HDAC9: variants seen among roughly 807,000 people sequenced by gnomAD.
HDAC9 encodes histone deacetylase 9, also known as MEF-2 interacting transcription repressor (MITR) protein.
HDAC9 carries 41 observed loss-of-function variants against 139.4 expected under a neutral mutation model. That is an observed-to-expected ratio of 0.29 (90% CI 0.23 to 0.38). The LOEUF (loss-of-function observed/expected upper bound fraction) is 0.38, where lower values mean the gene tolerates loss of function less well. HDAC9 is among the 10% of genes least tolerant of loss of function. The pLI is 1.00. For synonymous variants in HDAC9, 517 were observed against 476.2 expected, an observed-to-expected ratio of 1.09 and a Z score of -1.12; for missense variants, 1,147 against 1,297.0, an observed-to-expected ratio of 0.88 and a Z score of 1.78.
chr7:18,333,855 A>G (rs1158996921), intron 1 of HDAC9, among the ~76,000 whole-genome samples: 3 of 151,372 alleles, frequency 2.0e-5, no homozygotes. Context: ...ATAATGACAA[A>G]TGTCTGAAAA....
rs1794768586 is a variant in HDAC9 at position 18,249,381 on chromosome 7, T to C, written c.25+87032T>C. Among the ~76,000 whole-genome samples, 3 of 151,578 alleles carry C rather than the reference T, an allele frequency of 2.0e-5. No homozygotes were observed. The South Asian group carries it at 6.2e-4, about 32-fold the overall frequency. ...AGCTGGGTGTGGTGGCACGTGTCTG[T>C]AATCCCAGCTAGTCGGGAGGCTGAG... is the stretch of plus-strand genomic sequence containing the variant. On this transcript the variant is annotated intron_variant, in intron 2 of 12. Coordinates refer to the HDAC9 transcript ENST00000417496.
chr7:18,257,404 C>CAG (rs1795341049), intron 2 of HDAC9, among the ~76,000 whole-genome samples: 1 of 90,752 alleles, frequency 1.1e-5, no homozygotes, highest in Non-Finnish European at 2.2e-5. Context: ...GTCTCTCCCA[C>CAG]ACACACACAC....
chr7:18,784,908 T>A (rs1321174189), intron 16 of HDAC9, among the ~76,000 whole-genome samples: 1 of 151,592 alleles, frequency 6.6e-6, no homozygotes, highest in Non-Finnish European at 1.5e-5. Context: ...AACAACAGTT[T>A]CTCAAAAACT....
chr7:18,367,886 C>A (rs1784308034), intron 1 of HDAC9, among the ~76,000 whole-genome samples: 1 of 152,040 alleles, frequency 6.6e-6, no homozygotes, highest in South Asian at 2.1e-4. Context: ...GGAGAATGTT[C>A]GTGTGATCAT....
intron 2 of HDAC9, among the ~76,000 whole-genome samples, chr7:18,209,427 A>C (rs1054710292): frequency 6.6e-6 from 1 of 152,166 alleles, no homozygotes; most frequent in African/African-American, 2.4e-5. Context: ...TTCTATAGCC[A>C]TATCTCTTGC....
intron 1 of HDAC9, among the ~76,000 whole-genome samples, chr7:18,121,771 T>C (rs532796943): frequency 1.3e-5 from 2 of 152,248 alleles, no homozygotes; most frequent in South Asian, 4.2e-4. Context: ...AGTCTTACTG[T>C]TTTATAATAA....
intron 14 of HDAC9, among the ~76,000 whole-genome samples, chr7:18,761,351 T>C (rs1293757414): frequency 1.3e-5 from 2 of 152,212 alleles, no homozygotes; most frequent in East Asian, 3.9e-4. Context: ...TGGAAAAAAT[T>C]GATGGAGTCT....
chr7:18,272,422 T>C (rs1796411435), intron 2 of HDAC9, among the ~76,000 whole-genome samples: 1 of 152,172 alleles, frequency 6.6e-6, no homozygotes, highest in Non-Finnish European at 1.5e-5. Flanking sequence ...AATTTTTTTC[T>C]ACAATAAATA....
At chr7:18,108,638 T>C (rs1402534572) in intron 1 of HDAC9, among the ~76,000 whole-genome samples, 2 of 134,820 alleles carry the variant, frequency 1.5e-5, no homozygotes, top group Non-Finnish European at 3.1e-5. Context: ...TTTTTGGATA[T>C]GGAGTCTCAC....
chr7:18,572,161 A>G (rs1232977735), intron 2 of HDAC9, among the ~76,000 whole-genome samples: 1 of 151,886 alleles, frequency 6.6e-6, no homozygotes, highest in Non-Finnish European at 1.5e-5. Context: ...AACTTACAGT[A>G]TAAGCTACAT....
intron 14 of HDAC9, among the ~76,000 whole-genome samples, chr7:18,754,358 T>A (rs1788704651): frequency 6.6e-6 from 1 of 152,016 alleles, no homozygotes; most frequent in African/African-American, 2.4e-5. Flanking sequence ...AATGTGCTCT[T>A]CTGTGGTCAA....
intron 1 of HDAC9, among the ~76,000 whole-genome samples, chr7:18,111,462 C>T (rs957995645): frequency 5.9e-5 from 9 of 152,134 alleles, no homozygotes; most frequent in South Asian, 2.1e-4. Context: ...CACTGCCCCT[C>T]GGTATCTGTG....
chr7:18,549,866 T>C (rs1816524780), intron 2 of HDAC9, among the ~76,000 whole-genome samples: 1 of 152,046 alleles, frequency 6.6e-6, no homozygotes, highest in African/African-American at 2.4e-5. Flanking sequence ...ATTTCATTTA[T>C]TCTTTCCAAA....
chr7:18,875,291 A>G (rs903143308), intron 22 of HDAC9, among the ~76,000 whole-genome samples: 2 of 152,196 alleles, frequency 1.3e-5, no homozygotes, highest in African/African-American at 4.8e-5. Flanking sequence ...GCTCACATAT[A>G]AATGTACATT....
chr7:18,180,354 T>C (rs1178341), intron 2 of HDAC9, among the ~76,000 whole-genome samples: 3,227 of 152,258 alleles, frequency 0.021, 117 homozygotes, highest in African/African-American at 0.074. Flanking sequence ...TGTGTTTCTT[T>C]CTGGACCTTG....
chr7:18,201,127 C>T (rs767956529), intron 2 of HDAC9, among the ~76,000 whole-genome samples: 5 of 152,096 alleles, frequency 3.3e-5, no homozygotes, highest in African/African-American at 7.2e-5. Flanking sequence ...CGCAACAGAA[C>T]GGGTCTCTGC....
intron 13 of HDAC9, among the ~76,000 whole-genome samples, chr7:18,730,574 G>GAA (rs1483573541): frequency 6.6e-6 from 1 of 152,142 alleles, no homozygotes; most frequent in Non-Finnish European, 1.5e-5. Context: ...CAGTAGTATT[G>GAA]AACCAGTTGA....
chr7:18,654,441 C>T (rs1284355729), intron 11 of HDAC9, among the ~76,000 whole-genome samples: 5 of 152,056 alleles, frequency 3.3e-5, no homozygotes, highest in Non-Finnish European at 5.9e-5. Flanking sequence ...GACTCCATAC[C>T]AGAATTCTTA....
chr7:18,201,710 T>C (rs988813889), intron 2 of HDAC9, among the ~76,000 whole-genome samples: 1 of 152,362 alleles, frequency 6.6e-6, no homozygotes, highest in African/African-American at 2.4e-5. Context: ...TGAGTGTTTC[T>C]CTTTCCTTCT....
Sources: gnomAD v4.1 joint callset for allele counts (sites outside exome capture counted in the v4.1 genomes callset) on GRCh38, gnomAD v4.1.1 for gene constraint, MANE v1.5 for transcripts, NCBI Gene and HGNC (gene_info 2026-07-23, HGNC 2026-07-21) for gene names.